Variants in MVB12B observed in about 807,000 individuals in gnomAD.
MVB12B encodes ESCRT-I complex subunit MVB12B.
Under a neutral mutation model 41.6 loss-of-function variants are expected in MVB12B, and 16 were observed. The ratio of observed to expected loss-of-function variants is 0.38; its 90% CI spans 0.26 to 0.58. MVB12B has a LOEUF of 0.58. Ranked by LOEUF, MVB12B falls within the 20% of genes least tolerant of loss-of-function variation. The pLI is 0.62. For synonymous variants in MVB12B, 133 were observed against 139.7 expected, an observed-to-expected ratio of 0.95 and a Z score of 0.34; for missense variants, 274 against 380.2, an observed-to-expected ratio of 0.72 and a Z score of 2.32.
At chr9:126,417,001 G>T (rs1236711502) in intron 6 of MVB12B, among the ~76,000 whole-genome samples, 1 of 152,182 alleles carries the variant, frequency 6.6e-6, no homozygotes, top group Non-Finnish European at 1.5e-5. Context: ...TCTGTCCCTG[G>T]GGCCCAAACT....
chr9:126,488,864 C>CAAAT (rs140957039), intron 9 of MVB12B, among the ~76,000 whole-genome samples: 1,827 of 152,312 alleles, frequency 0.012, 20 homozygotes, highest in Middle Eastern at 0.02. Context: ...TGCCACCATT[C>CAAAT]GGCTTCAGGG....
At chr9:126,375,461 TCGAA>T (rs1398486687) in intron 2 of MVB12B, among the ~76,000 whole-genome samples, 4 of 147,352 alleles carry the variant, frequency 2.7e-5, no homozygotes, top group Non-Finnish European at 5.9e-5. Context: ...CCTATTTCTT[TCGAA>T]CGAGAAAGTA....
intron 9 of MVB12B, among the ~76,000 whole-genome samples, chr9:126,493,654 C>A (rs1448749224): frequency 6.6e-6 from 1 of 152,224 alleles, no homozygotes; most frequent in Non-Finnish European, 1.5e-5. Flanking sequence ...AAGCGTCTCT[C>A]CATCCAGAAA....
intron 4 of MVB12B, among the ~76,000 whole-genome samples, chr9:126,388,543 G>T (rs1293646103): frequency 6.6e-6 from 1 of 152,202 alleles, no homozygotes; most frequent in Non-Finnish European, 1.5e-5. Flanking sequence ...TTTCTGTTGG[G>T]TATCTACCTA....
intron 3 of MVB12B, among the ~76,000 whole-genome samples, chr9:126,384,823 A>G (rs1007223360): frequency 1.5e-5 from 2 of 137,154 alleles, no homozygotes; most frequent in African/African-American, 5.5e-5. Flanking sequence ...ATGAGCCACC[A>G]TGCCTGGCAG....
chr9:126,413,409 G>C (rs1224752248), intron 6 of MVB12B, among the ~76,000 whole-genome samples: 1 of 152,076 alleles, frequency 6.6e-6, no homozygotes, highest in African/African-American at 2.4e-5. Context: ...GCATATGACA[G>C]GTACACGCTG....
chr9:126,419,494 G>C (rs1831934958), intron 6 of MVB12B, among the ~76,000 whole-genome samples: 1 of 152,182 alleles, frequency 6.6e-6, no homozygotes, highest in African/African-American at 2.4e-5. Context: ...CTGCCTCGAG[G>C]GGCGTTGTGA....
At chr9:126,453,448 A>C (rs1832919578) in intron 7 of MVB12B, among the ~76,000 whole-genome samples, 1 of 151,880 alleles carries the variant, frequency 6.6e-6, no homozygotes, top group Non-Finnish European at 1.5e-5. Flanking sequence ...TCAAGTATGG[A>C]GTTTTGTTTT....
Position 126,497,089 on chromosome 9 carries a change from GGTGCT to G in MVB12B, c.874-6081_874-6077del, listed in dbSNP as rs368446315. 5.1e-3 allele frequency among the ~76,000 whole-genome samples: 779 copies of G among 152,236 alleles called. 8 individuals are homozygous for G. Among genetic ancestry groups the G allele is most frequent in the African/African-American group, 0.018 (745 of 41,538 alleles). On this transcript the variant is annotated intron_variant, in intron 9 of 9. Coordinates refer to ENST00000361171, the MANE Select transcript of MVB12B (RefSeq NM_033446.3). ...TGCATTTATTCAGTGACCCGGGCTG[GGTGCT>G]GTGCTGGGCAGTGAGGACACAGCAG...
At chr9:126,398,248 T>G (rs1360254040) in intron 6 of MVB12B, among the ~76,000 whole-genome samples, 6 of 151,750 alleles carry the variant, frequency 4.0e-5, no homozygotes, top group Non-Finnish European at 5.9e-5. Flanking sequence ...GGTGAGGGCA[T>G]GTGGTGAGCC....
intron 6 of MVB12B, among the ~76,000 whole-genome samples, chr9:126,397,974 G>T (rs950725869): frequency 6.6e-6 from 1 of 152,008 alleles, no homozygotes; most frequent in African/African-American, 2.4e-5. Flanking sequence ...CCCCTCAGTG[G>T]GGCCTGCAGG....
chr9:126,430,315 G>A (rs1358123534), intron 7 of MVB12B, among the ~76,000 whole-genome samples: 7 of 152,012 alleles, frequency 4.6e-5, no homozygotes, highest in East Asian at 1.9e-4. Flanking sequence ...CGCTCCCTGC[G>A]TCCTCCTTGC....
chr9:126,422,263 G>A (rs917790561), intron 7 of MVB12B, among the ~76,000 whole-genome samples: 1 of 152,160 alleles, frequency 6.6e-6, no homozygotes, highest in East Asian at 1.9e-4. Context: ...GGCTTCCCAC[G>A]GGGCCTCGGG....
intron 6 of MVB12B, among the ~76,000 whole-genome samples, chr9:126,401,641 A>G (rs1831271767): frequency 6.6e-6 from 1 of 152,224 alleles, no homozygotes; most frequent in South Asian, 2.1e-4. Flanking sequence ...CCCTTCCTAG[A>G]GGAGAGGAAA....
chr9:126,452,164 C>A (rs982464458), intron 7 of MVB12B, among the ~76,000 whole-genome samples: 7 of 152,218 alleles, frequency 4.6e-5, no homozygotes, highest in Non-Finnish European at 7.3e-5. Flanking sequence ...TCAGCTCATG[C>A]GTGTGCTCAC....
At chr9:126,476,443 G>A (rs1029136160) in intron 7 of MVB12B, among the ~76,000 whole-genome samples, 1 of 152,250 alleles carries the variant, frequency 6.6e-6, no homozygotes, top group African/African-American at 2.4e-5. Context: ...GGTGGGGTGA[G>A]CACCCTGCCC....
intron 2 of MVB12B, among the ~76,000 whole-genome samples, chr9:126,353,552 A>G (rs562314465): frequency 3.3e-5 from 5 of 152,314 alleles, no homozygotes; most frequent in African/African-American, 1.2e-4. Context: ...GGATTAAATT[A>G]GCTAATGTTT....
In MVB12B at chr9:126,392,341, T is replaced by C; in HGVS notation, c.539+146T>C. On this transcript the variant is annotated intron_variant, in intron 5 of 9. Transcript: ENST00000361171. The surrounding 1 kb of genome is among the most constrained non-coding windows in gnomAD (Gnocchi z 4.8). ...GTCAGCCCAGTGCTCCTCGCTGCCCTTCCTGCTCAGCTGCGGTCTCTCTGA... is the reference window on the plus strand; with the variant it reads ...GTCAGCCCAGTGCTCCTCGCTGCCCCTCCTGCTCAGCTGCGGTCTCTCTGA... 1 of 945,012 alleles carries C rather than the reference T, an allele frequency of 1.1e-6. No individual in the cohort carries two copies. The highest frequency in any genetic ancestry group is 1.6e-6 in the Non-Finnish European group (1 of 629,280). 58.5% of individuals were successfully genotyped at this position (945,012 alleles called of 1,614,324 possible).
In MVB12B at chr9:126,395,463, GA is replaced by G. The variant is rs1274133974; in HGVS notation, c.540-111del. 3 of 1,301,500 alleles carry G rather than the reference GA, an allele frequency of 2.3e-6. No individual in the cohort carries two copies. The highest frequency in any genetic ancestry group is 3.2e-6 in the Non-Finnish European group (3 of 927,096). The allele number at this position is 1,301,500 out of a possible 1,614,324, so 80.6% of individuals were successfully genotyped here. On this transcript the variant is annotated intron_variant, in intron 5 of 9. Coordinates refer to ENST00000361171, the MANE Select transcript of MVB12B (RefSeq NM_033446.3). This position sits in a 1 kb window ranked among gnomAD's most constrained non-coding sequence, Gnocchi z 4.9. The stretch of plus-strand genomic sequence containing the variant: ...CCATTTCACGTGGAGGGCAAGAATT[GA>G]TTCCCTGGTGTTTGAGGCCATGACT...
Sources: gnomAD v4.1 joint callset for allele counts (sites outside exome capture counted in the v4.1 genomes callset) on GRCh38, gnomAD v4.1.1 for gene constraint, Gnocchi (gnomAD v3.1) non-coding constraint, MANE v1.5 for transcripts, NCBI Gene and HGNC (gene_info 2026-07-23, HGNC 2026-07-21) for gene names.